LMBR1: variants seen among roughly 807,000 people sequenced by gnomAD.
The protein encoded by LMBR1 is limb region 1 protein homolog.
Under a neutral mutation model 73.9 loss-of-function variants are expected in LMBR1, and 52 were observed. The observed-to-expected ratio is 0.70, with a 90% CI of 0.56 to 0.89. LMBR1 has a LOEUF of 0.89. Among genes scored for constraint, LMBR1 ranks in the 40% least tolerant of loss-of-function variants. The pLI, the probability that LMBR1 is intolerant of heterozygous loss-of-function variation, is 0.00. For missense variants in LMBR1, 539 were observed against 579.8 expected, an observed-to-expected ratio of 0.93 and a Z score of 0.72; for synonymous variants, 215 against 209.4, an observed-to-expected ratio of 1.03 and a Z score of -0.23.
chr7:156,695,829 G>C (rs982036204), intron 15 of LMBR1, among the ~76,000 whole-genome samples: 1 of 150,060 alleles, frequency 6.7e-6, no homozygotes, highest in Non-Finnish European at 1.5e-5. Flanking sequence ...AATCCAGACA[G>C]TGTAGTACTG....
chr7:156,742,601 G>A (rs975806830), intron 9 of LMBR1, among the ~76,000 whole-genome samples: 8 of 152,006 alleles, frequency 5.3e-5, no homozygotes, highest in South Asian at 2.1e-4. Context: ...AATAAGTAAC[G>A]AGATCAAACC....
At chr7:156,841,024 A>G (rs993816120) in intron 1 of LMBR1, among the ~76,000 whole-genome samples, 1 of 151,662 alleles carries the variant, frequency 6.6e-6, no homozygotes, top group Admixed American at 6.6e-5. Context: ...GGACAGAGGC[A>G]AGGAGAGCAG....
chr7:156,693,397 T>C (rs7812166), intron 15 of LMBR1, among the ~76,000 whole-genome samples: 26,208 of 151,820 alleles, frequency 0.17, 2,802 homozygotes, highest in African/African-American at 0.31. Flanking sequence ...ATAAAAGTGA[T>C]AAAAACCTTA....
chr7:156,892,899 C>T (rs1234104317), intron 1 of LMBR1, 29 bp downstream of exon 1: 2 of 1,448,888 alleles, frequency 1.4e-6, no homozygotes, highest in South Asian at 1.3e-5. Flanking sequence ...GCACGCGGGA[C>T]TGTCAGGGCT....
intron 9 of LMBR1, among the ~76,000 whole-genome samples, chr7:156,737,893 A>T (rs1056433308): frequency 4.6e-5 from 7 of 152,130 alleles, no homozygotes; most frequent in Non-Finnish European, 8.8e-5. Flanking sequence ...GCTCATATTT[A>T]AGACTGAAGC....
chr7:156,728,909 A>G (rs1816303838), intron 10 of LMBR1, among the ~76,000 whole-genome samples, 189 bp from the exon 11 acceptor site: 1 of 152,198 alleles, frequency 6.6e-6, no homozygotes, highest in Non-Finnish European at 1.5e-5. Context: ...ACAATGGTAT[A>G]GCCGCAGCTC....
At chr7:156,868,843 G>C (rs529726731) in intron 1 of LMBR1, among the ~76,000 whole-genome samples, 1 of 152,230 alleles carries the variant, frequency 6.6e-6, no homozygotes, top group South Asian at 2.1e-4. Flanking sequence ...GTGCAAGCCT[G>C]TAGTCTCAGC....
intron 1 of LMBR1, among the ~76,000 whole-genome samples, chr7:156,880,139 A>C (rs972120103): frequency 2.6e-5 from 4 of 152,244 alleles, no homozygotes; most frequent in African/African-American, 9.6e-5. Context: ...AAACTGTGGT[A>C]TATGTAACTA....
Position 156,679,393 on chromosome 7 carries a change from G to A in LMBR1, c.*4685C>T, listed in dbSNP as rs1012068608. 38 of 152,220 alleles carry A rather than the reference G, an allele frequency of 2.5e-4. No individual in the cohort carries two copies. The highest frequency in any genetic ancestry group is 8.9e-4 in the African/African-American group (37 of 41,424). The allele number at this position is 152,220 out of a possible 1,614,324, so 9.4% of individuals were successfully genotyped here. On this transcript the variant is annotated 3_prime_UTR_variant, in exon 17 of 17. Coordinates refer to ENST00000353442, the MANE Select transcript of LMBR1 (RefSeq NM_022458.4). Reference sequence around the variant, plus strand: ...GGCGAGGAGGAAGTGAGCAGGAGGAGGACGATGCTCCACTTGTCACTTAGT... The same window carrying A: ...GGCGAGGAGGAAGTGAGCAGGAGGAAGACGATGCTCCACTTGTCACTTAGT...
chr7:156,819,658 A>G (rs1375897754), intron 4 of LMBR1, among the ~76,000 whole-genome samples: 1 of 152,220 alleles, frequency 6.6e-6, no homozygotes, highest in African/African-American at 2.4e-5. Context: ...GGGGAAAAGG[A>G]AATAACCAGA....
intron 10 of LMBR1, among the ~76,000 whole-genome samples, chr7:156,733,676 A>C (rs995608308): frequency 6.6e-6 from 1 of 152,212 alleles, no homozygotes; most frequent in Non-Finnish European, 1.5e-5. Flanking sequence ...ATGTAACTGG[A>C]GTCCCTGAAA....
chr7:156,805,519 CCA>C (rs1355075077), intron 4 of LMBR1, among the ~76,000 whole-genome samples: 1 of 152,142 alleles, frequency 6.6e-6, no homozygotes, highest in Non-Finnish European at 1.5e-5. Flanking sequence ...CCCAGCCACA[CCA>C]CACAGTCTTG....
At chr7:156,786,192 A>C (rs1481032082) in intron 5 of LMBR1, among the ~76,000 whole-genome samples, 2 of 138,802 alleles carry the variant, frequency 1.4e-5, no homozygotes. Context: ...GAAAGGAAGG[A>C]GGTAGGGAAG....
At chr7:156,790,748 T>C (rs922682502) in intron 5 of LMBR1, among the ~76,000 whole-genome samples, 1 of 150,998 alleles carries the variant, frequency 6.6e-6, no homozygotes, top group African/African-American at 2.5e-5. Flanking sequence ...ACTAAATGAT[T>C]TTCAATTCAA....
downstream of LMBR1, chr7:156,676,535 A>T: frequency 6.2e-7 from 1 of 1,614,096 alleles, no homozygotes; most frequent in Non-Finnish European, 8.5e-7. Flanking sequence ...TGTCCTGCTC[A>T]CATGTGTTCC....
At chr7:156,886,948 G>A (rs1231380116) in intron 1 of LMBR1, among the ~76,000 whole-genome samples, 1 of 152,150 alleles carries the variant, frequency 6.6e-6, no homozygotes, top group African/African-American at 2.4e-5. Flanking sequence ...ATTCTGGTTG[G>A]GAATTCAGTT....
intron 5 of LMBR1, among the ~76,000 whole-genome samples, chr7:156,767,222 C>T (rs918165139): frequency 3.2e-4 from 49 of 152,152 alleles, no homozygotes; most frequent in Admixed American, 2.7e-3. Flanking sequence ...GACTCAAACT[C>T]ACGGCTCTGC....
At chr7:156,756,765 T>A (rs1821963561) in intron 8 of LMBR1, among the ~76,000 whole-genome samples, 1 of 151,740 alleles carries the variant, frequency 6.6e-6, no homozygotes, top group Non-Finnish European at 1.5e-5. Flanking sequence ...AATTTTGGGG[T>A]TTTTTAGTGA....
At chr7:156,819,001 G>C (rs558825870) in intron 4 of LMBR1, among the ~76,000 whole-genome samples, 58 of 152,278 alleles carry the variant, frequency 3.8e-4, no homozygotes, top group Non-Finnish European at 7.6e-4. Flanking sequence ...AAGCTGACAA[G>C]TGATGACAAC....
Sources: allele counts gnomAD v4.1 joint callset (sites outside exome capture counted in the v4.1 genomes callset), GRCh38; gene constraint gnomAD v4.1.1; transcripts MANE v1.5; gene names NCBI Gene and HGNC (gene_info 2026-07-23, HGNC 2026-07-21).